Variants in PLRG1 observed in about 807,000 individuals in gnomAD.
The protein encoded by PLRG1 is pleiotropic regulator 1.
Under a neutral mutation model 74.9 loss-of-function variants are expected in PLRG1, and 28 were observed. The ratio of observed to expected loss-of-function variants is 0.37; its 90% CI spans 0.28 to 0.51. The LOEUF (loss-of-function observed/expected upper bound fraction) is 0.51. Among genes scored for constraint, PLRG1 ranks in the 20% least tolerant of loss-of-function variants. PLRG1 has a pLI of 0.91. For missense variants in PLRG1, 445 were observed against 631.9 expected, an observed-to-expected ratio of 0.70 and a Z score of 3.17; for synonymous variants, 197 against 212.4, an observed-to-expected ratio of 0.93 and a Z score of 0.63.
rs796440122 is a variant in PLRG1, at chr4:154,541,968, T to A, written c.687+219A>T. On this transcript the variant is annotated intron_variant, in intron 8 of 14. Transcript: ENST00000499023. ...AATGTAAGTATAAAGGAATTAGTGG[T>A]AGGTATTCAGTAGGTAAAGAAAAAG... is the stretch of plus-strand genomic sequence containing the variant. 9.7e-6 allele frequency: 5 copies of A among 515,178 alleles called. No homozygotes were observed. In the Admixed American group the frequency reaches 1.3e-4, roughly 13 times the overall value. The allele number at this position is 515,178 out of a possible 1,614,324, so 31.9% of individuals were successfully genotyped here.
rs534644854 is a variant in PLRG1, at chr4:154,535,746, G to T, written c.*939C>A. The T allele has an allele frequency of 2.0e-5, 3 of 152,162 alleles. No homozygotes were observed. The South Asian group carries it at 6.2e-4, about 32-fold the overall frequency. The allele number at this position is 152,162 out of a possible 1,614,324, so 9.4% of individuals were successfully genotyped here. ...AAACTTCTCTTTAAAATCTCCGCAAGATTGCAGCCCTTGCTACAGCTTTAA... is the reference window on the plus strand; with the variant it reads ...AAACTTCTCTTTAAAATCTCCGCAATATTGCAGCCCTTGCTACAGCTTTAA... On this transcript the variant is annotated 3_prime_UTR_variant, in exon 15 of 15. Transcript: ENST00000499023.
At chr4:154,545,472 T>C (rs1016015289) in intron 6 of PLRG1, among the ~76,000 whole-genome samples, 1 of 151,958 alleles carries the variant, frequency 6.6e-6, no homozygotes, top group African/African-American at 2.4e-5. Flanking sequence ...AGTACAACAC[T>C]AACAGCACTC....
chr4:154,549,233 T>C, intron 1 of PLRG1: 2 of 389,352 alleles, frequency 5.1e-6, no homozygotes, highest in Non-Finnish European at 9.8e-6. Context: ...AATAGAATGA[T>C]AAAAAGGTGG....
At chr4:154,540,265 G>C (rs1278578794) in intron 10 of PLRG1, 1 of 583,912 alleles carries the variant, frequency 1.7e-6, no homozygotes, top group Non-Finnish European at 3.0e-6. Context: ...TAAAAGATCA[G>C]GGTACTGAAA....
rs1729440243 is a variant in PLRG1 at position 154,535,952 on chromosome 4, T to C, written c.*733A>G. ...CCAGAACACACCGCACACTTTCTTG[T>C]GCCTGGTTTCATCACTTTATGCCTC... On this transcript the variant is annotated 3_prime_UTR_variant, in exon 15 of 15. Coordinates refer to ENST00000499023, the MANE Select transcript of PLRG1 (RefSeq NM_002669.4). 1 of 152,304 alleles carries C rather than the reference T, an allele frequency of 6.6e-6. No individual in the cohort carries two copies. The highest frequency in any genetic ancestry group is 2.4e-5 in the African/African-American group (1 of 41,446). 9.4% of individuals were successfully genotyped at this position (152,304 alleles called of 1,614,324 possible). A position where few individuals can be genotyped will look rare whatever the true frequency, so the allele number is the denominator to read the frequency against.
Position 154,540,019 on chromosome 4 carries a change from G to T in PLRG1, c.974C>A (p.Thr325Lys). ...WDVRTKASVH[T>K]LSGHTNAVAT... ...AACTGCATTTGTATGTCCAGATAATGTGTGTACACTGGCTTTAGTTCTCAC... is the reference window on the plus strand; with the variant it reads ...AACTGCATTTGTATGTCCAGATAATTTGTGTACACTGGCTTTAGTTCTCAC... Residue 325 changes from threonine (T) to lysine (K), a missense_variant, in exon 11 of 15, where the codon ACA becomes AAA. Physicochemically the swap from Thr to Lys is moderately conservative, Grantham distance 78. Coordinates refer to ENST00000499023, the MANE Select transcript of PLRG1 (RefSeq NM_002669.4). 6.3e-7 allele frequency: 1 copy of T among 1,599,766 alleles called. No individual in the cohort carries two copies. The highest frequency in any genetic ancestry group is 8.6e-7 in the Non-Finnish European group (1 of 1,167,062).
chr4:154,544,410 G>T, intron 7 of PLRG1, 35 bp downstream of exon 7: 1 of 1,122,744 alleles, frequency 8.9e-7, no homozygotes, highest in South Asian at 1.2e-5. Flanking sequence ...AAGCAATCAT[G>T]GTTCACATAA....
At chr4:154,539,834 A>T in intron 11 of PLRG1, 117 bp downstream of exon 11, 2 of 694,474 alleles carry the variant, frequency 2.9e-6, no homozygotes, top group Non-Finnish European at 5.2e-6. Context: ...AAAATATGAC[A>T]CAGAAACACT....
chr4:154,550,317 C>T lies in PLRG1; in HGVS notation c.-9G>A. Reference sequence around the variant, plus strand: ...CACTTTACCTCGACCATGATGCTACCGTGTATCCCACCTCCGGCAGGGAAG... The same window carrying T: ...CACTTTACCTCGACCATGATGCTACTGTGTATCCCACCTCCGGCAGGGAAG... On this transcript the variant is annotated 5_prime_UTR_variant, in exon 1 of 15. Transcript: ENST00000499023. The T allele has an allele frequency of 1.2e-6, 2 of 1,613,022 alleles. No individual in the cohort carries two copies. The highest frequency in any genetic ancestry group is 1.7e-6 in the Non-Finnish European group (2 of 1,178,936).
At chr4:154,537,691 A>C in intron 13 of PLRG1, 1 of 510,694 alleles carries the variant, frequency 2.0e-6, no homozygotes, top group Non-Finnish European at 3.4e-6. Context: ...TGAAAATCTG[A>C]CATCCAATTC....
At chr4:154,538,566 G>A (rs1323740643) in intron 12 of PLRG1, among the ~76,000 whole-genome samples, 2 of 151,452 alleles carry the variant, frequency 1.3e-5, no homozygotes, top group African/African-American at 2.4e-5. Context: ...AAGAGAGGGG[G>A]AAAAGGGTAT....
intron 6 of PLRG1, 137 bp downstream of exon 6, chr4:154,545,699 C>A (rs866550131): frequency 9.5e-6 from 5 of 525,742 alleles, no homozygotes; most frequent in Non-Finnish European, 1.7e-5. Flanking sequence ...TAATTTACTA[C>A]CAACTTGAGT....
At chr4:154,549,593 C>G (rs1211069842) in intron 1 of PLRG1, 1 of 437,422 alleles carries the variant, frequency 2.3e-6, no homozygotes, top group Non-Finnish European at 4.6e-6. Flanking sequence ...ACTATTACAA[C>G]AGCCTATATT....
intron 7 of PLRG1, among the ~76,000 whole-genome samples, chr4:154,543,130 A>G (rs1729584295): frequency 6.6e-6 from 1 of 152,144 alleles, no homozygotes; most frequent in Non-Finnish European, 1.5e-5. Context: ...TGATTTGATC[A>G]TTACACACTG....
At chr4:154,539,002 A>G in intron 12 of PLRG1, 103 bp downstream of exon 12, 1 of 734,124 alleles carries the variant, frequency 1.4e-6, no homozygotes, top group Non-Finnish European at 2.5e-6. Flanking sequence ...TAGAAATGAC[A>G]GCAGCTAAAT....
chr4:154,547,084 AT>A lies in PLRG1; in HGVS notation c.260-21del, dbSNP rs779105786. The stretch of plus-strand genomic sequence containing the variant: ...CTTGTCCTAAAAAAACACAAAAAAA[AT>A]CAACAGTAGTGAATTTACCTTATAC... On this transcript the variant is annotated intron_variant, in intron 3 of 14. Transcript: ENST00000499023. 1.7e-5 allele frequency: 27 copies of A among 1,587,038 alleles called. No homozygotes were observed. The East Asian group carries it at 4.7e-4, about 28-fold the overall frequency.
At position 154,544,558 on chromosome 4, in the gene PLRG1, A is replaced by C; in HGVS notation, c.493-12T>G. ...GTCTCCATGACAATCTAGACATAGAAGAGACATTATTATTATTAAAGACAT... is the reference window on the plus strand; with the variant it reads ...GTCTCCATGACAATCTAGACATAGACGAGACATTATTATTATTAAAGACAT... On this transcript the variant is annotated splice_polypyrimidine_tract_variant and intron_variant, in intron 6 of 14. Coordinates refer to ENST00000499023, the MANE Select transcript of PLRG1 (RefSeq NM_002669.4). 1 of 1,449,144 alleles carries C rather than the reference A, an allele frequency of 6.9e-7. No individual in the cohort carries two copies. Among genetic ancestry groups the C allele is most frequent in the Non-Finnish European group, 9.7e-7 (1 of 1,030,720 alleles). 89.8% of individuals were successfully genotyped at this position (1,449,144 alleles called of 1,614,324 possible).
intron 4 of PLRG1, 37 bp from the exon 5 acceptor site, chr4:154,546,250 T>C (rs1729650962): frequency 2.8e-6 from 3 of 1,072,788 alleles, no homozygotes; most frequent in Non-Finnish European, 4.3e-6. Flanking sequence ...TTAGTAGCTG[T>C]GTATTATTCA....
In PLRG1 at chr4:154,539,938, G is replaced by C; in HGVS notation, c.1042+13C>G. 1 of 1,230,050 alleles carries C rather than the reference G, an allele frequency of 8.1e-7. No individual in the cohort carries two copies. Among genetic ancestry groups the C allele is most frequent in the Non-Finnish European group, 1.2e-6 (1 of 828,714 alleles). 76.2% of individuals were successfully genotyped at this position (1,230,050 alleles called of 1,614,324 possible). A position where few individuals can be genotyped will look rare whatever the true frequency, so the allele number is the denominator to read the frequency against. On this transcript the variant is annotated intron_variant, in intron 11 of 14. Transcript: ENST00000499023. ...CATGAATATTCTGTAAACTTGAAAA[G>C]TATCGATCATACCTGTAATAATTTG...
Sources: gnomAD v4.1 joint callset for allele counts (sites outside exome capture counted in the v4.1 genomes callset) on GRCh38, gnomAD v4.1.1 for gene constraint, MANE v1.5 for transcripts, NCBI Gene and HGNC (gene_info 2026-07-23, HGNC 2026-07-21) for gene names.